The following SMAD2 variants were observed in gnomAD, a reference collection of about 807,000 sequenced individuals.
The protein encoded by SMAD2 is MAD homolog 2.
Under a neutral mutation model 64.4 loss-of-function variants are expected in SMAD2, and 8 were observed. The observed-to-expected ratio is 0.12, with a 90% confidence interval of 0.07 to 0.22. The LOEUF (loss-of-function observed/expected upper bound fraction) is 0.22. Ranked by LOEUF, SMAD2 falls within the 10% of genes least tolerant of loss-of-function variation. The pLI is 1.00. For synonymous variants in SMAD2, 203 were observed against 195.8 expected (o/e 1.04, Z -0.31); for missense variants, 289 against 561.2 (o/e 0.51, Z 4.90).
At chr18:47,911,688 G>C (rs1337360319) in intron 1 of SMAD2, among the ~76,000 whole-genome samples, 1 of 152,290 alleles carries the variant, frequency 6.6e-6, no homozygotes, top group South Asian at 2.1e-4. Flanking sequence ...GGGAAAGTGA[G>C]GTTTGCATAG....
rs969050640 is a variant in SMAD2 at position 47,839,074 on chromosome 18, G to A, written c.*2753C>T. 6.0e-5 allele frequency: 14 copies of A among 232,972 alleles called. No individual in the cohort carries two copies. The Admixed American group carries it at 6.2e-4, about 10-fold the overall frequency. The allele number at this position is 232,972 out of a possible 1,614,324, so 14.4% of individuals were successfully genotyped here. On this transcript the variant is annotated 3_prime_UTR_variant, in exon 11 of 11. Coordinates refer to ENST00000262160, the MANE Select transcript of SMAD2 (RefSeq NM_005901.6). ...GATAAAATACAAAAAACATCATCTC[G>A]TTAAAAAGCATCAAACACATTCACA...
chr18:47,872,258 T>C (rs900058822), intron 2 of SMAD2, among the ~76,000 whole-genome samples: 2 of 152,196 alleles, frequency 1.3e-5, no homozygotes, highest in African/African-American at 2.4e-5. Context: ...TGCTTCTAGC[T>C]AGTAAAATCA....
At chr18:47,866,042 C>A (rs1011392514) in intron 5 of SMAD2, among the ~76,000 whole-genome samples, 1 of 152,066 alleles carries the variant, frequency 6.6e-6, no homozygotes, top group Non-Finnish European at 1.5e-5. Flanking sequence ...CGAGGCCAGG[C>A]GCGGTGGCTT....
intron 6 of SMAD2, among the ~76,000 whole-genome samples, chr18:47,854,275 A>G (rs1014374865): frequency 1.3e-5 from 2 of 152,218 alleles, no homozygotes; most frequent in Non-Finnish European, 2.9e-5. Flanking sequence ...ATCCCTGTGC[A>G]TGTATCTTCG....
At chr18:47,860,778 T>C (rs2031113844) in intron 6 of SMAD2, among the ~76,000 whole-genome samples, 1 of 152,148 alleles carries the variant, frequency 6.6e-6, no homozygotes, top group African/African-American at 2.4e-5. Flanking sequence ...TCCATGAAAC[T>C]ATATGATCCT....
At chr18:47,844,727 A>G (rs1914325191) in intron 10 of SMAD2, among the ~76,000 whole-genome samples, 1 of 152,182 alleles carries the variant, frequency 6.6e-6, no homozygotes, top group Admixed American at 6.5e-5. Flanking sequence ...TGGCAATTTC[A>G]TATATTTCAA....
chr18:47,916,724 T>C (rs16958629), intron 1 of SMAD2, among the ~76,000 whole-genome samples: 8,655 of 152,290 alleles, frequency 0.057, 636 homozygotes, highest in East Asian at 0.21. Context: ...ACTAAGTTTT[T>C]AAATCATAAT....
intron 1 of SMAD2, among the ~76,000 whole-genome samples, chr18:47,927,071 C>G (rs191417344): frequency 6.6e-6 from 1 of 152,308 alleles, no homozygotes; most frequent in Non-Finnish European, 1.5e-5. Context: ...GTTTAACTAA[C>G]TTTTTACACT....
intron 10 of SMAD2, among the ~76,000 whole-genome samples, chr18:47,844,290 G>A (rs1197247672): frequency 6.6e-6 from 1 of 152,112 alleles, no homozygotes; most frequent in Non-Finnish European, 1.5e-5. Flanking sequence ...AGACAAGCAA[G>A]TCCAAAACAA....
intron 5 of SMAD2, among the ~76,000 whole-genome samples, chr18:47,867,580 T>C (rs2031653190): frequency 6.6e-6 from 1 of 151,566 alleles, no homozygotes; most frequent in Non-Finnish European, 1.5e-5. Context: ...AACATCATGC[T>C]GTTTCTGCTA....
intron 1 of SMAD2, among the ~76,000 whole-genome samples, chr18:47,927,012 ACC>A (rs963170175): frequency 6.6e-6 from 1 of 152,076 alleles, no homozygotes; most frequent in African/African-American, 2.4e-5. Context: ...TGATTCCAAA[ACC>A]CAAGGCCTTT....
In SMAD2 at chr18:47,836,858, C is replaced by G. The variant is rs1024063207; in HGVS notation, c.*4969G>C. On this transcript the variant is annotated 3_prime_UTR_variant, in exon 11 of 11. Coordinates refer to ENST00000262160, the MANE Select transcript of SMAD2 (RefSeq NM_005901.6). The stretch of plus-strand genomic sequence containing the variant: ...CCAAGAGATAATTTGCCCCTCAATC[C>G]CTACAAAGTGTAGTCTAAACAAACA... 4.7e-6 allele frequency: 1 copy of G among 211,602 alleles called. No homozygotes were observed. Among genetic ancestry groups the G allele is most frequent in the African/African-American group, 2.3e-5 (1 of 43,888 alleles). The allele number at this position is 211,602 out of a possible 1,614,324, so 13.1% of individuals were successfully genotyped here.
rs74325830 is a variant in SMAD2, at chr18:47,872,798, C to T, written c.237-2234G>A. ...TATCCCAAAACCATTGCCGCACCAC[C>T]ACGGTCAGTGGAAAACTTGCCTTTC... is the stretch of plus-strand genomic sequence containing the variant. On this transcript the variant is annotated intron_variant, in intron 2 of 10. Transcript: ENST00000262160. Among the ~76,000 whole-genome samples, 95 of 152,302 alleles carry T rather than the reference C, an allele frequency of 6.2e-4. 1 individual carries two copies. In the East Asian group the frequency reaches 0.016, roughly 26 times the overall value.
intron 2 of SMAD2, among the ~76,000 whole-genome samples, chr18:47,882,977 C>T (rs1375593691): frequency 6.6e-6 from 1 of 152,152 alleles, no homozygotes; most frequent in African/African-American, 2.4e-5. Context: ...CAATATAGGT[C>T]ATTTGTGATT....
intron 6 of SMAD2, among the ~76,000 whole-genome samples, chr18:47,856,556 A>C (rs571837974): frequency 4.6e-5 from 7 of 152,230 alleles, no homozygotes; most frequent in Non-Finnish European, 1.0e-4. Context: ...CTTCAACCTT[A>C]ACCCAAATAT....
At chr18:47,849,907 C>T (rs959551487) in intron 7 of SMAD2, among the ~76,000 whole-genome samples, 14 of 151,608 alleles carry the variant, frequency 9.2e-5, no homozygotes, top group African/African-American at 2.7e-4. Context: ...ACTCAGGAGG[C>T]TGAGGCAGAG....
chr18:47,850,495 TAATATATGTTATATATATAA>T lies in SMAD2; in HGVS notation c.784+759_784+778del, dbSNP rs1915241324. On this transcript the variant is annotated intron_variant, in intron 7 of 10. Transcript: ENST00000262160. ...TATATTATATATTATATATTATGTA[TAATATATGTTATATATATAA>T]TATATATTATGTATAATATATGTTA... Among the ~76,000 whole-genome samples the T allele has an allele frequency of 7.4e-5, 2 of 26,984 alleles. 1 individual carries two copies. Among genetic ancestry groups the T allele is most frequent in the Non-Finnish European group, 1.2e-4 (2 of 17,120 alleles). The allele number at this position is 26,984 out of a possible 152,430, so 17.7% of individuals were successfully genotyped here. A position where few individuals can be genotyped will look rare whatever the true frequency, so the allele number is the denominator to read the frequency against.
chr18:47,915,737 C>T (rs1187869430), intron 1 of SMAD2, among the ~76,000 whole-genome samples: 2 of 152,142 alleles, frequency 1.3e-5, no homozygotes, highest in African/African-American at 4.8e-5. Flanking sequence ...CAAATGTTTA[C>T]ACTAATGTAA....
At chr18:47,924,555 C>T (rs953993867) in intron 1 of SMAD2, among the ~76,000 whole-genome samples, 3 of 151,762 alleles carry the variant, frequency 2.0e-5, no homozygotes, top group Admixed American at 6.6e-5. Flanking sequence ...TCGGCCTCCC[C>T]GGTTCAAGCA....
Sources: allele counts gnomAD v4.1 joint callset (sites outside exome capture counted in the v4.1 genomes callset), GRCh38; gene constraint gnomAD v4.1.1; transcripts MANE v1.5; gene names NCBI Gene and HGNC (gene_info 2026-07-23, HGNC 2026-07-21).